MRPL42: variants seen among roughly 807,000 people sequenced by gnomAD.
MRPL42 encodes large ribosomal subunit protein mL42.
Under a neutral mutation model 17.9 loss-of-function variants are expected in MRPL42, and 17 were observed. That is an observed-to-expected ratio of 0.95 (90% CI 0.65 to 1.42). MRPL42 has a LOEUF of 1.42. Among genes scored for constraint, MRPL42 ranks in the 40% most tolerant of loss-of-function variants. The pLI is 0.00. For missense variants in MRPL42, 177 were observed against 175.2 expected, an observed-to-expected ratio of 1.01 and a Z score of -0.06; for synonymous variants, 59 against 54.4, an observed-to-expected ratio of 1.08 and a Z score of -0.37.
intron 5 of MRPL42, among the ~76,000 whole-genome samples, chr12:93,496,430 A>T (rs1220195241): frequency 6.6e-6 from 1 of 152,116 alleles, no homozygotes; most frequent in Non-Finnish European, 1.5e-5. Context: ...ATGTAAATAT[A>T]ACATTAATAG....
Position 93,501,541 on chromosome 12 carries a change from C to T in MRPL42, c.*320C>T, listed in dbSNP as rs1167936416. ...AGAAATTCAACACTTTATTATAAAA[C>T]GGGCTTCGTGTTAGATAATTTTGCT... is the stretch of plus-strand genomic sequence containing the variant. On this transcript the variant is annotated 3_prime_UTR_variant, in exon 6 of 6. Coordinates refer to ENST00000549982, the MANE Select transcript of MRPL42 (RefSeq NM_014050.4). 7 of 178,822 alleles carry T rather than the reference C, an allele frequency of 3.9e-5. No homozygotes were observed. The highest frequency in any genetic ancestry group is 1.3e-4 in the East Asian group (1 of 7,414). 11.1% of individuals were successfully genotyped at this position (178,822 alleles called of 1,614,324 possible).
rs1446778483 is a variant in MRPL42 at position 93,487,665 on chromosome 12, GTTTT to G, written c.383+6_383+9del. ...CCGTTGGTATCCTCATGGACGGTAA[GTTTT>G]CTTTTCTTTTCTTCAATCCCTACTA... On this transcript the variant is annotated splice_donor_region_variant and intron_variant, in intron 5 of 5. Transcript: ENST00000549982. 1.9e-6 allele frequency: 3 copies of G among 1,595,032 alleles called. No homozygotes were observed. Among genetic ancestry groups the G allele is most frequent in the Non-Finnish European group, 2.6e-6 (3 of 1,171,298 alleles).
chr12:93,479,774 T>G (rs1033534927), intron 4 of MRPL42, among the ~76,000 whole-genome samples: 1 of 152,018 alleles, frequency 6.6e-6, no homozygotes, highest in African/African-American at 2.4e-5. Context: ...ATAAAATGCA[T>G]TATCCCATGC....
chr12:93,492,449 C>T (rs890660081), intron 5 of MRPL42, among the ~76,000 whole-genome samples: 1 of 151,960 alleles, frequency 6.6e-6, no homozygotes, highest in Non-Finnish European at 1.5e-5. Flanking sequence ...GTTCATGTTC[C>T]CTAGCCCACT....
At position 93,503,429 on chromosome 12, in the gene MRPL42, G is replaced by A. The variant is rs1953624781; in HGVS notation, c.*2208G>A. The A allele has an allele frequency of 6.6e-6, 1 of 151,800 alleles. No homozygotes were observed. Among genetic ancestry groups the A allele is most frequent in the African/African-American group, 2.4e-5 (1 of 41,254 alleles). The allele number at this position is 151,800 out of a possible 1,614,324, so 9.4% of individuals were successfully genotyped here. A position where few individuals can be genotyped will look rare whatever the true frequency, so the allele number is the denominator to read the frequency against. On this transcript the variant is annotated 3_prime_UTR_variant, in exon 6 of 6. Transcript: ENST00000549982. Reference sequence around the variant, plus strand: ...AAGGTCTTGCTGTGTCGCCCAGGATGGAGTGCAGTGGCACAATCACATTGC... The same window carrying A: ...AAGGTCTTGCTGTGTCGCCCAGGATAGAGTGCAGTGGCACAATCACATTGC...
chr12:93,479,584 C>A, intron 4 of MRPL42, 112 bp downstream of exon 4: 1 of 520,418 alleles, frequency 1.9e-6, no homozygotes, highest in Non-Finnish European at 3.1e-6. Context: ...TTTAGATTTT[C>A]TTTTGGCTTT....
At chr12:93,500,891 G>C (rs1441979108) in intron 5 of MRPL42, 1 of 222,942 alleles carries the variant, frequency 4.5e-6, no homozygotes, top group Non-Finnish European at 8.8e-6. Context: ...CCAGGAGTTT[G>C]AGGCTGTAGT....
At chr12:93,471,591 G>C (rs1185818859) in intron 2 of MRPL42, among the ~76,000 whole-genome samples, 1 of 151,980 alleles carries the variant, frequency 6.6e-6, no homozygotes, top group Non-Finnish European at 1.5e-5. Context: ...ATGAGCCACC[G>C]CACCTGGCCA....
At chr12:93,501,064 T>C (rs899382769) in intron 5 of MRPL42, 112 bp from the exon 6 acceptor site, 3 of 818,940 alleles carry the variant, frequency 3.7e-6, no homozygotes, top group Admixed American at 3.5e-5. Flanking sequence ...CGTAGTTTCA[T>C]TGATTTTTTA....
intron 5 of MRPL42, among the ~76,000 whole-genome samples, chr12:93,496,334 C>T (rs1425781452): frequency 6.6e-6 from 1 of 152,076 alleles, no homozygotes; most frequent in Non-Finnish European, 1.5e-5. Context: ...GCTAAGATTA[C>T]AAGCATGAGC....
At chr12:93,491,672 G>T (rs766659012) in intron 5 of MRPL42, among the ~76,000 whole-genome samples, 1 of 152,136 alleles carries the variant, frequency 6.6e-6, no homozygotes, top group African/African-American at 2.4e-5. Context: ...GTACACAAGG[G>T]TATATTGTGT....
At position 93,515,436 on chromosome 12, in the gene MRPL42, T is replaced by G. The variant is rs1326888609; in HGVS notation, c.*14215T>G. 1 of 151,022 alleles carries G rather than the reference T, an allele frequency of 6.6e-6. No homozygotes were observed. The highest frequency in any genetic ancestry group is 1.5e-5 in the Non-Finnish European group (1 of 67,954). 9.4% of individuals were successfully genotyped at this position (151,022 alleles called of 1,614,324 possible). Reference sequence around the variant, plus strand: ...CAGGCTGGAGTGCAGTGGGGTGATCTCGGCTCACTGCAACCTCTGCCTCCT... The same window carrying G: ...CAGGCTGGAGTGCAGTGGGGTGATCGCGGCTCACTGCAACCTCTGCCTCCT... On this transcript the variant is annotated 3_prime_UTR_variant, in exon 6 of 6. Coordinates refer to ENST00000549982, the MANE Select transcript of MRPL42 (RefSeq NM_014050.4).
intron 4 of MRPL42, among the ~76,000 whole-genome samples, chr12:93,484,979 CAT>C (rs4020795): frequency 0.017 from 385 of 22,422 alleles, 4 homozygotes; most frequent in Non-Finnish European, 0.027. Flanking sequence ...CACACACACA[CAT>C]ATATATATAT....
intron 3 of MRPL42, among the ~76,000 whole-genome samples, chr12:93,478,045 T>C (rs962253590): frequency 1.3e-5 from 2 of 151,660 alleles, no homozygotes; most frequent in Non-Finnish European, 2.9e-5. Context: ...CAGCCTCAAC[T>C]TCTGAGGTTC....
chr12:93,501,338 A>G lies in MRPL42; in HGVS notation c.*117A>G, dbSNP rs1038251697. On this transcript the variant is annotated 3_prime_UTR_variant, in exon 6 of 6. Coordinates refer to ENST00000549982, the MANE Select transcript of MRPL42 (RefSeq NM_014050.4). ...TAATAATGATAAAATATCTTTTCAT[A>G]TATTAGAATGTGTACTTTTATATAA... The G allele has an allele frequency of 1.0e-5, 6 of 575,728 alleles. No homozygotes were observed. The Admixed American group carries it at 1.6e-4, about 15-fold the overall frequency. The allele number at this position is 575,728 out of a possible 1,614,324, so 35.7% of individuals were successfully genotyped here. A position where few individuals can be genotyped will look rare whatever the true frequency, so the allele number is the denominator to read the frequency against.
chr12:93,467,777 C>T (rs1879702681), intron 1 of MRPL42, among the ~76,000 whole-genome samples: 1 of 152,226 alleles, frequency 6.6e-6, no homozygotes, highest in African/African-American at 2.4e-5. Flanking sequence ...GGAGGTGATG[C>T]AGCTTGTGGC....
intron 4 of MRPL42, among the ~76,000 whole-genome samples, chr12:93,481,962 C>T (rs1880485826): frequency 6.6e-6 from 1 of 152,182 alleles, no homozygotes; most frequent in African/African-American, 2.4e-5. Context: ...GTACACATGA[C>T]CACCTCCCCT....
chr12:93,489,802 C>T (rs1440367894), intron 5 of MRPL42, among the ~76,000 whole-genome samples: 1 of 152,202 alleles, frequency 6.6e-6, no homozygotes, highest in African/African-American at 2.4e-5. Context: ...TCCCAAAGTG[C>T]TGGGATTACA....
At chr12:93,474,011 G>A (rs536038472) in intron 2 of MRPL42, among the ~76,000 whole-genome samples, 5 of 152,288 alleles carry the variant, frequency 3.3e-5, no homozygotes, top group African/African-American at 1.2e-4. Context: ...AGACTTGTAG[G>A]TGAAACAGAC....
Sources: gnomAD v4.1 joint callset for allele counts (sites outside exome capture counted in the v4.1 genomes callset) on GRCh38, gnomAD v4.1.1 for gene constraint, MANE v1.5 for transcripts, NCBI Gene and HGNC (gene_info 2026-07-23, HGNC 2026-07-21) for gene names.